ZBTB44: variants seen among roughly 807,000 people sequenced by gnomAD.
ZBTB44 encodes the protein zinc finger and BTB domain containing 44.
In ZBTB44, 15 loss-of-function variants were observed where a neutral mutation model predicts 54.0. The observed-to-expected ratio is 0.28, with a 90% CI of 0.19 to 0.43. The LOEUF (loss-of-function observed/expected upper bound fraction) is 0.43. Among genes scored for constraint, ZBTB44 ranks in the 20% least tolerant of loss-of-function variants. The pLI is 1.00. For missense variants in ZBTB44, 487 were observed against 707.1 expected, an observed-to-expected ratio of 0.69 and a Z score of 3.53; for synonymous variants, 230 against 250.1, an observed-to-expected ratio of 0.92 and a Z score of 0.76.
intron 1 of ZBTB44, among the ~76,000 whole-genome samples, chr11:130,297,342 AATGT>A (rs1293194669): frequency 6.6e-6 from 1 of 152,198 alleles, no homozygotes; most frequent in African/African-American, 2.4e-5. Flanking sequence ...CATACACACA[AATGT>A]ATGTTACTGT....
At chr11:130,238,788 CTTTTG>C (rs1473619722) in intron 3 of ZBTB44, 181 bp from the exon 4 acceptor site, 5 of 661,762 alleles carry the variant, frequency 7.6e-6, no homozygotes, top group Admixed American at 3.7e-5. Context: ...TCCAGAATGC[CTTTTG>C]TTTTTTTTTT....
At chr11:130,288,848 G>A (rs923300005) in intron 1 of ZBTB44, among the ~76,000 whole-genome samples, 3 of 150,714 alleles carry the variant, frequency 2.0e-5, no homozygotes, top group African/African-American at 7.3e-5. Context: ...AGTGAGCTGA[G>A]ATCACACCAC....
At chr11:130,302,990 A>G in intron 1 of ZBTB44, among the ~76,000 whole-genome samples, 1 of 152,174 alleles carries the variant, frequency 6.6e-6, no homozygotes, top group Non-Finnish European at 1.5e-5. Flanking sequence ...ACCCACACAT[A>G]CACAAAAGTG....
chr11:130,238,058 T>G (rs563984830), intron 4 of ZBTB44, among the ~76,000 whole-genome samples: 1 of 152,312 alleles, frequency 6.6e-6, no homozygotes, highest in African/African-American at 2.4e-5. Flanking sequence ...CACTTTTATT[T>G]GGGAAAAATT....
chr11:130,298,697 A>C (rs944099821), intron 1 of ZBTB44, among the ~76,000 whole-genome samples: 1 of 151,824 alleles, frequency 6.6e-6, no homozygotes, highest in Non-Finnish European at 1.5e-5. Flanking sequence ...TCCTAACCTC[A>C]GGTTATCCGC....
intron 1 of ZBTB44, among the ~76,000 whole-genome samples, chr11:130,303,797 T>C (rs1942117245): frequency 6.6e-6 from 1 of 151,902 alleles, no homozygotes; most frequent in South Asian, 2.1e-4. Context: ...TTTTTAAAGC[T>C]ATATAAGGAA....
At chr11:130,258,119 C>T (rs1938582478) in intron 2 of ZBTB44, among the ~76,000 whole-genome samples, 1 of 152,046 alleles carries the variant, frequency 6.6e-6, no homozygotes, top group Admixed American at 6.6e-5. Flanking sequence ...CCATTATTCT[C>T]TATAGCACTA....
At chr11:130,259,452 G>A (rs1938687992) in intron 2 of ZBTB44, among the ~76,000 whole-genome samples, 1 of 152,090 alleles carries the variant, frequency 6.6e-6, no homozygotes, top group Admixed American at 6.6e-5. Flanking sequence ...CCCATTACTG[G>A]GTATACACCC....
At chr11:130,294,278 G>A (rs368493426) in intron 1 of ZBTB44, among the ~76,000 whole-genome samples, 7 of 151,818 alleles carry the variant, frequency 4.6e-5, no homozygotes, top group African/African-American at 1.7e-4. Context: ...GTGTGGTGGT[G>A]CACGCCTGTA....
chr11:130,290,880 G>A (rs1230427789), intron 1 of ZBTB44, among the ~76,000 whole-genome samples: 1 of 152,186 alleles, frequency 6.6e-6, no homozygotes, highest in East Asian at 1.9e-4. Context: ...TATCCTGATG[G>A]TAAACTTTCT....
At chr11:130,272,173 G>A (rs1432380875) in intron 1 of ZBTB44, among the ~76,000 whole-genome samples, 5 of 151,862 alleles carry the variant, frequency 3.3e-5, no homozygotes, top group African/African-American at 4.8e-5. Flanking sequence ...CGGAGGTTGC[G>A]GTGAGCCAAG....
intron 6 of ZBTB44, chr11:130,233,583 G>T (rs1953975276): frequency 7.2e-7 from 1 of 1,383,210 alleles, no homozygotes; most frequent in African/African-American, 1.5e-5. Flanking sequence ...ACAGCAGTAA[G>T]TATCTACTCA....
chr11:130,311,926 T>A (rs1047683319), intron 1 of ZBTB44, among the ~76,000 whole-genome samples: 4 of 151,982 alleles, frequency 2.6e-5, no homozygotes, highest in Admixed American at 2.0e-4. Context: ...CTGGGACAAT[T>A]TGGTCATTAA....
Position 130,260,841 on chromosome 11 carries a change from C to A in ZBTB44, c.1018+15G>T, listed in dbSNP as rs746548553. ...TGACTTTATAGCACCAAGAAAAACA[C>A]AGAAGGCATTATACCTATAGAGGAA... On this transcript the variant is annotated intron_variant, in intron 2 of 7. Coordinates refer to ENST00000357899, the MANE Select transcript of ZBTB44 (RefSeq NM_001301098.2). The A allele has an allele frequency of 4.4e-6, 7 of 1,573,236 alleles. No homozygotes were observed. The South Asian group carries it at 7.1e-5, about 16-fold the overall frequency.
chr11:130,295,767 G>T, intron 1 of ZBTB44: 3 of 1,494,086 alleles, frequency 2.0e-6, no homozygotes, highest in Non-Finnish European at 2.8e-6. Flanking sequence ...ACCTGCAGTA[G>T]AACTCATTGT....
At chr11:130,266,588 T>C (rs1565663582) in intron 1 of ZBTB44, among the ~76,000 whole-genome samples, 1 of 152,216 alleles carries the variant, frequency 6.6e-6, no homozygotes, top group Non-Finnish European at 1.5e-5. Flanking sequence ...ATTAAGACTG[T>C]TTGACATTCA....
rs1256927313 is a variant in ZBTB44 at position 130,227,531 on chromosome 11, C to A, written c.*4233G>T. 2 of 152,198 alleles carry A rather than the reference C, an allele frequency of 1.3e-5. No individual in the cohort carries two copies. Among genetic ancestry groups the A allele is most frequent in the Admixed American group, 1.3e-4 (2 of 15,270 alleles). 9.4% of individuals were successfully genotyped at this position (152,198 alleles called of 1,614,324 possible). On this transcript the variant is annotated 3_prime_UTR_variant, in exon 8 of 8. Coordinates refer to ENST00000357899, the MANE Select transcript of ZBTB44 (RefSeq NM_001301098.2). ...ATAACTGGCAGGGTAAAAAAGTCCC[C>A]CCGCCCCGACTTCCTTGCTGCCGGG...
At chr11:130,244,706 G>GT (rs1396221887) in intron 2 of ZBTB44, among the ~76,000 whole-genome samples, 1 of 149,288 alleles carries the variant, frequency 6.7e-6, no homozygotes, top group Non-Finnish European at 1.5e-5. Flanking sequence ...TGTACTAACT[G>GT]TAACAGTTTG....
chr11:130,236,033 G>T (rs1056999492), intron 5 of ZBTB44: 2 of 1,034,194 alleles, frequency 1.9e-6, no homozygotes, highest in African/African-American at 1.7e-5. Flanking sequence ...TCCTACAGAA[G>T]TACAATTCTT....
Sources: gnomAD v4.1 joint callset for allele counts (sites outside exome capture counted in the v4.1 genomes callset) on GRCh38, gnomAD v4.1.1 for gene constraint, MANE v1.5 for transcripts, NCBI Gene and HGNC (gene_info 2026-07-23, HGNC 2026-07-21) for gene names.